PCDHA11: variants seen among roughly 807,000 people sequenced by gnomAD.
PCDHA11 encodes the protein protocadherin alpha-11.
Under a neutral mutation model 70.3 loss-of-function variants are expected in PCDHA11, and 61 were observed. That is an observed-to-expected ratio of 0.87 (90% CI 0.71 to 1.07). The LOEUF (loss-of-function observed/expected upper bound fraction) is 1.07, where lower values mean the gene tolerates loss of function less well. Among genes scored for constraint, PCDHA11 ranks in the 50% least tolerant of loss-of-function variants. The pLI, the probability that PCDHA11 is intolerant of heterozygous loss-of-function variation, is 0.00. For synonymous variants in PCDHA11, 633 were observed against 555.1 expected, an observed-to-expected ratio of 1.14 and a Z score of -1.97; for missense variants, 1,324 against 1,237.5, an observed-to-expected ratio of 1.07 and a Z score of -1.05.
At chr5:140,942,434 T>C (rs2093297092) in intron 1 of PCDHA11, among the ~76,000 whole-genome samples, 1 of 151,244 alleles carries the variant, frequency 6.6e-6, no homozygotes, top group African/African-American at 2.4e-5. Flanking sequence ...TATCTAACAA[T>C]AAACAAGTAA....
rs2098331172 is a variant in PCDHA11, at chr5:141,007,465, G to A, written c.2540-2162G>A. Among the ~76,000 whole-genome samples, 5 of 151,906 alleles carry A rather than the reference G, an allele frequency of 3.3e-5. No individual in the cohort carries two copies. The South Asian group carries it at 1.0e-3, about 32-fold the overall frequency. ...TGCCTGTAGTCCCAGCTACTCAGGA[G>A]GCTGAGGCACGAGAATTACTTGGAC... On this transcript the variant is annotated intron_variant, in intron 3 of 3. Transcript: ENST00000398640.
In PCDHA11 at chr5:140,875,869, T is replaced by C. The variant is rs2055890630; in HGVS notation, c.2391+4375T>C. ...GGACATTAACGACAACCCGCCGGTG[T>C]TCAGAGAAAGGGAACAAAAGGTACC... On this transcript the variant is annotated intron_variant, in intron 1 of 3. Coordinates refer to ENST00000398640, the MANE Select transcript of PCDHA11 (RefSeq NM_018902.5). 4.3e-6 allele frequency: 7 copies of C among 1,614,170 alleles called. No individual in the cohort carries two copies. The East Asian group carries it at 1.6e-4, about 36-fold the overall frequency.
Position 140,886,416 on chromosome 5 carries a change from A to T in PCDHA11, c.2391+14922A>T, listed in dbSNP as rs184712902. Among the ~76,000 whole-genome samples, 13 of 152,286 alleles carry T rather than the reference A, an allele frequency of 8.5e-5. No homozygotes were observed. The East Asian group carries it at 2.5e-3, about 29-fold the overall frequency. ...TGCATCACAAATATGTTTTCCTCCT[A>T]TATTATTTCTATTCATTTGTTTGTA... is the stretch of plus-strand genomic sequence containing the variant. On this transcript the variant is annotated intron_variant, in intron 1 of 3. Transcript: ENST00000398640.
At chr5:140,945,200 A>G (rs2093757745) in intron 1 of PCDHA11, among the ~76,000 whole-genome samples, 1 of 152,168 alleles carries the variant, frequency 6.6e-6, no homozygotes, top group South Asian at 2.1e-4. Context: ...GCTATTTACA[A>G]TAGCTATGAG....
At chr5:140,986,461 C>A (rs1554248079) in intron 3 of PCDHA11, among the ~76,000 whole-genome samples, 1 of 152,154 alleles carries the variant, frequency 6.6e-6, no homozygotes. Flanking sequence ...TTAATGAATG[C>A]CCTCTTGTGA....
chr5:140,976,190 C>T (rs1402016343), intron 1 of PCDHA11, among the ~76,000 whole-genome samples: 17 of 152,040 alleles, frequency 1.1e-4, no homozygotes, highest in African/African-American at 4.1e-4. Context: ...AATCAATATC[C>T]TGGAAACTCA....
chr5:140,900,630 G>A (rs1355486036), intron 1 of PCDHA11, among the ~76,000 whole-genome samples: 3 of 152,132 alleles, frequency 2.0e-5, no homozygotes, highest in African/African-American at 7.2e-5. Context: ...TCCAAATCTT[G>A]GCTATTGTGA....
chr5:140,876,568 G>A (rs1302204057), intron 1 of PCDHA11: 1 of 1,614,046 alleles, frequency 6.2e-7, no homozygotes, highest in African/African-American at 1.3e-5. Context: ...TGCTCAGGTG[G>A]GTACCGTCAT....
chr5:140,882,882 T>C (rs1554175954), intron 1 of PCDHA11: 2 of 1,614,206 alleles, frequency 1.2e-6, no homozygotes, highest in Non-Finnish European at 1.7e-6. Context: ...AGAGAGGAAA[T>C]TCAGGAACAT....
chr5:140,882,558 G>T (rs782792864), intron 1 of PCDHA11: 16 of 1,614,130 alleles, frequency 9.9e-6, no homozygotes, highest in Non-Finnish European at 1.1e-5. Flanking sequence ...GAGCTGTGTG[G>T]GCGGAGCGCG....
At position 141,009,698 on chromosome 5, in the gene PCDHA11, G is replaced by A. The variant is rs900919931; in HGVS notation, c.2611G>A (p.Gly871Arg). The part of the protein sequence containing the change: ...VNSNSWTFKY[G>R]PGNPKQSGPG... Reference sequence around the variant, plus strand: ...CAGCAACAGCTGGACCTTTAAATACGGACCAGGCAACCCCAAACAATCCGG... The same window carrying A: ...CAGCAACAGCTGGACCTTTAAATACAGACCAGGCAACCCCAAACAATCCGG... The change falls in exon 4 of 4, where the codon GGA (glycine) becomes AGA (arginine). Residue 871 changes from glycine (G) to arginine (R), a missense_variant. Physicochemically the swap from Gly to Arg is moderately radical, Grantham distance 125. Transcript: ENST00000398640. The A allele has an allele frequency of 1.9e-6, 3 of 1,614,030 alleles. No homozygotes were observed. The highest frequency in any genetic ancestry group is 1.1e-5 in the South Asian group (1 of 91,066).
chr5:140,918,051 A>G (rs782531005), intron 1 of PCDHA11, among the ~76,000 whole-genome samples: 2 of 151,984 alleles, frequency 1.3e-5, no homozygotes, highest in Non-Finnish European at 1.5e-5. Flanking sequence ...CATTTGTTTT[A>G]TCATCTCTGA....
At chr5:140,951,311 T>G (rs1240303466) in intron 1 of PCDHA11, among the ~76,000 whole-genome samples, 4 of 152,224 alleles carry the variant, frequency 2.6e-5, no homozygotes, top group African/African-American at 9.6e-5. Context: ...ATTAATGTGT[T>G]ATTCTTGAGA....
At chr5:140,904,270 G>A (rs374052783) in intron 1 of PCDHA11, among the ~76,000 whole-genome samples, 3 of 152,068 alleles carry the variant, frequency 2.0e-5, no homozygotes, top group East Asian at 3.9e-4. Context: ...ACTTATGAAT[G>A]AGAACATGTG....
At chr5:140,911,934 A>G (rs2075691303) in intron 1 of PCDHA11, among the ~76,000 whole-genome samples, 1 of 152,158 alleles carries the variant, frequency 6.6e-6, no homozygotes, top group East Asian at 1.9e-4. Flanking sequence ...AATAGGATAG[A>G]TGTATATATA....
chr5:140,972,398 A>G (rs2096535021), intron 1 of PCDHA11, among the ~76,000 whole-genome samples: 1 of 151,358 alleles, frequency 6.6e-6, no homozygotes, highest in Non-Finnish European at 1.5e-5. Flanking sequence ...TTGCTTCACT[A>G]TTGGCAAACC....
At chr5:140,947,956 A>G (rs1460892977) in intron 1 of PCDHA11, among the ~76,000 whole-genome samples, 2 of 151,570 alleles carry the variant, frequency 1.3e-5, no homozygotes, top group Non-Finnish European at 3.0e-5. Context: ...CATATTTTAC[A>G]ATTAAGTATG....
Position 140,927,906 on chromosome 5 carries a change from C to T in PCDHA11, c.2392-51043C>T, listed in dbSNP as rs116016831. On this transcript the variant is annotated intron_variant, in intron 1 of 3. Coordinates refer to ENST00000398640, the MANE Select transcript of PCDHA11 (RefSeq NM_018902.5). ...TGACTGACGTGAACGATCATGCCCC[C>T]GAACTGGACTTCCTGACTCTTTCGA... is the stretch of plus-strand genomic sequence containing the variant. 5,195 of 1,614,178 alleles carry T rather than the reference C, an allele frequency of 3.2e-3. 26 individuals are homozygous for T. The highest frequency in any genetic ancestry group is 0.019 in the African/African-American group (1,450 of 75,038).
At position 140,869,354 on chromosome 5, in the gene PCDHA11, T is replaced by C. The variant is rs782282863; in HGVS notation, c.251T>C (p.Leu84Ser). ...GAGGTAAATCTGCAGAATGGCATTTTGTTTGTGAATTCTCGGATCGACCGC... is the reference window on the plus strand; with the variant it reads ...GAGGTAAATCTGCAGAATGGCATTTCGTTTGTGAATTCTCGGATCGACCGC... Reference protein sequence around the residue: ...LLEVNLQNGILFVNSRIDREE... With the variant: ...LLEVNLQNGISFVNSRIDREE... The change falls in exon 1 of 4, where the codon TTG becomes TCG. Residue 84 changes from leucine (L) to serine (S), a missense_variant. By Grantham distance (145) the Leu-to-Ser change is moderately radical. Coordinates refer to ENST00000398640, the MANE Select transcript of PCDHA11 (RefSeq NM_018902.5). 6.2e-7 allele frequency: 1 copy of C among 1,614,116 alleles called. No homozygotes were observed. Among genetic ancestry groups the C allele is most frequent in the Non-Finnish European group, 8.5e-7 (1 of 1,180,046 alleles).
Sources: allele counts gnomAD v4.1 joint callset (sites outside exome capture counted in the v4.1 genomes callset), GRCh38; gene constraint gnomAD v4.1.1; transcripts MANE v1.5; gene names NCBI Gene and HGNC (gene_info 2026-07-23, HGNC 2026-07-21).